SYNDIG1L: variants seen among roughly 807,000 people sequenced by gnomAD.
SYNDIG1L encodes synapse differentiation inducing 1 like.
SYNDIG1L carries 13 observed loss-of-function variants against 20.1 expected under a neutral mutation model. That is an observed-to-expected ratio of 0.65 (90% CI 0.42 to 1.03). The LOEUF (loss-of-function observed/expected upper bound fraction) is 1.03. SYNDIG1L is among the 50% of genes least tolerant of loss of function. The probability of loss-of-function intolerance (pLI) is 0.00; values close to 1 mark genes in which losing one functional copy is unlikely to be tolerated. For missense variants in SYNDIG1L, 294 were observed against 305.1 expected, an observed-to-expected ratio of 0.96 and a Z score of 0.27; for synonymous variants, 128 against 129.3, an observed-to-expected ratio of 0.99 and a Z score of 0.07.
At chr14:74,409,231 A>G (rs1595193606) in intron 2 of SYNDIG1L, 97 bp downstream of exon 2, 4 of 935,562 alleles carry the variant, frequency 4.3e-6, no homozygotes, top group Non-Finnish European at 4.7e-6. Context: ...GGCACATGCC[A>G]CCACGCCAGG....
intron 1 of SYNDIG1L, among the ~76,000 whole-genome samples, chr14:74,418,274 T>C (rs568626960): frequency 1.8e-4 from 28 of 152,188 alleles, no homozygotes; most frequent in South Asian, 8.3e-4. Flanking sequence ...CATTTGAGAA[T>C]AAAGGGAGAA....
At chr14:74,438,266 C>T in the SYNDIG1L span, among the ~76,000 whole-genome samples, 1 of 152,264 alleles carries the variant, frequency 6.6e-6, no homozygotes, top group East Asian at 1.9e-4. Context: ...ATGAGTTCTC[C>T]TTAGGCTTAC....
the SYNDIG1L span, among the ~76,000 whole-genome samples, chr14:74,471,386 C>T: frequency 1.3e-5 from 2 of 152,038 alleles, no homozygotes; most frequent in African/African-American, 4.8e-5. Flanking sequence ...CACTTGAGCC[C>T]AGGAGTTCGA....
chr14:74,452,755 A>C, the SYNDIG1L span, among the ~76,000 whole-genome samples: 2 of 152,210 alleles, frequency 1.3e-5, no homozygotes, highest in Non-Finnish European at 2.9e-5. Context: ...TGGGAAAAGA[A>C]AGCATAAGTC....
intron 1 of SYNDIG1L, among the ~76,000 whole-genome samples, chr14:74,415,151 C>T (rs1375672168): frequency 6.6e-6 from 1 of 152,192 alleles, no homozygotes; most frequent in Non-Finnish European, 1.5e-5. Flanking sequence ...TTTAGGGCTA[C>T]ATGCTGGAAG....
chr14:74,476,180 A>G, the SYNDIG1L span: 2 of 515,676 alleles, frequency 3.9e-6, no homozygotes, highest in African/African-American at 1.9e-5. Flanking sequence ...GCAGAGGCAT[A>G]TGGATGGTTG....
intron 1 of SYNDIG1L, among the ~76,000 whole-genome samples, chr14:74,423,521 C>T (rs897043930): frequency 6.6e-6 from 1 of 152,186 alleles, no homozygotes; most frequent in Admixed American, 6.5e-5. Flanking sequence ...GGAGGGGGGA[C>T]TGGTCCCCCA....
At chr14:74,473,324 G>A in the SYNDIG1L span, among the ~76,000 whole-genome samples, 1 of 152,130 alleles carries the variant, frequency 6.6e-6, no homozygotes, top group Non-Finnish European at 1.5e-5. Flanking sequence ...GGCGGAGGTT[G>A]CAGTGAGATG....
chr14:74,449,456 A>C, the SYNDIG1L span, among the ~76,000 whole-genome samples: 2 of 142,614 alleles, frequency 1.4e-5, no homozygotes, highest in Admixed American at 7.1e-5. Context: ...AAAAAAAAAA[A>C]AAAAAAAAAG....
At chr14:74,443,017 C>G in the SYNDIG1L span, among the ~76,000 whole-genome samples, 1 of 152,088 alleles carries the variant, frequency 6.6e-6, no homozygotes, top group African/African-American at 2.4e-5. Context: ...GTATAACAGG[C>G]AGCTAGATTG....
At chr14:74,412,951 G>C (rs1334104444) in intron 1 of SYNDIG1L, among the ~76,000 whole-genome samples, 1 of 152,116 alleles carries the variant, frequency 6.6e-6, no homozygotes, top group Non-Finnish European at 1.5e-5. Context: ...CTTGGGGTGG[G>C]AGTGGGCAGC....
chr14:74,427,162 T>G (rs957191674), upstream of SYNDIG1L, among the ~76,000 whole-genome samples: 46 of 147,418 alleles, frequency 3.1e-4, no homozygotes, highest in African/African-American at 1.1e-3. Flanking sequence ...ATCTTGAGTG[T>G]TACCAGTGGA....
chr14:74,476,295 T>C, the SYNDIG1L span: 1 of 620,202 alleles, frequency 1.6e-6, no homozygotes, highest in East Asian at 2.7e-5. Context: ...AGCTCTGCCA[T>C]GTTCAAGGCC....
chr14:74,463,881 G>A, the SYNDIG1L span, among the ~76,000 whole-genome samples: 2 of 152,192 alleles, frequency 1.3e-5, no homozygotes, highest in African/African-American at 4.8e-5. Flanking sequence ...TTAGAAAGTA[G>A]GCTAGGTTTC....
the SYNDIG1L span, among the ~76,000 whole-genome samples, chr14:74,455,683 G>C: frequency 2.0e-5 from 3 of 152,044 alleles, no homozygotes; most frequent in Non-Finnish European, 2.9e-5. Context: ...GCCTCCCAAA[G>C]GCTGGGATTA....
At chr14:74,463,954 C>T in the SYNDIG1L span, among the ~76,000 whole-genome samples, 2 of 150,566 alleles carry the variant, frequency 1.3e-5, no homozygotes, top group African/African-American at 4.9e-5. Context: ...CCGGGCAACT[C>T]ACCAAGCCTC....
At chr14:74,409,243 T>C in intron 2 of SYNDIG1L, 85 bp downstream of exon 2, 1 of 1,083,764 alleles carries the variant, frequency 9.2e-7, no homozygotes, top group Non-Finnish European at 1.3e-6. Flanking sequence ...CACGCCAGGC[T>C]AATTTTCAAT....
chr14:74,424,034 C>T (rs2086245871), intron 1 of SYNDIG1L, among the ~76,000 whole-genome samples: 1 of 152,040 alleles, frequency 6.6e-6, no homozygotes, highest in Admixed American at 6.6e-5. Context: ...ATATAAATGG[C>T]TTTTTCTGGT....
chr14:74,474,968 G>GT, the SYNDIG1L span: 1 of 152,288 alleles, frequency 6.6e-6, no homozygotes, highest in Admixed American at 6.5e-5. Context: ...TTCTCAAGAT[G>GT]TTTACAGTCT....
Sources: gnomAD v4.1 joint callset for allele counts (sites outside exome capture counted in the v4.1 genomes callset) on GRCh38, gnomAD v4.1.1 for gene constraint, MANE v1.5 for transcripts, NCBI Gene and HGNC (gene_info 2026-07-23, HGNC 2026-07-21) for gene names.